CTNNA3: variants seen among roughly 807,000 people sequenced by gnomAD.
CTNNA3 encodes the protein catenin alpha-3.
A neutral mutation model predicts 95.7 loss-of-function variants in CTNNA3; 76 were observed. The ratio of observed to expected loss-of-function variants is 0.79; its 90% CI spans 0.66 to 0.96. The LOEUF is 0.96. CTNNA3 is among the 40% of genes least tolerant of loss of function. The probability of loss-of-function intolerance (pLI) is 0.00; values close to 1 mark genes in which losing one functional copy is unlikely to be tolerated. For synonymous variants in CTNNA3, 431 were observed against 374.4 expected, an observed-to-expected ratio of 1.15 and a Z score of -1.74; for missense variants, 1,191 against 1,089.8, an observed-to-expected ratio of 1.09 and a Z score of -1.31.
chr10:66,083,144 T>C (rs2080832277), intron 14 of CTNNA3, among the ~76,000 whole-genome samples: 1 of 152,152 alleles, frequency 6.6e-6, no homozygotes, highest in Non-Finnish European at 1.5e-5. Context: ...CCAAAGCCAA[T>C]TTGAATGTTA....
At chr10:67,338,444 G>A (rs1842068953) in intron 5 of CTNNA3, among the ~76,000 whole-genome samples, 1 of 152,108 alleles carries the variant, frequency 6.6e-6, no homozygotes, top group Non-Finnish European at 1.5e-5. Context: ...CCAGGCCACA[G>A]TTTCAACACT....
At chr10:66,080,041 T>C (rs932379507) in intron 14 of CTNNA3, among the ~76,000 whole-genome samples, 1 of 152,094 alleles carries the variant, frequency 6.6e-6, no homozygotes, top group African/African-American at 2.4e-5. Flanking sequence ...TCGCTTGAAG[T>C]CAGTTTAGTT....
At chr10:67,036,501 T>C (rs924553333) in intron 7 of CTNNA3, among the ~76,000 whole-genome samples, 4 of 152,068 alleles carry the variant, frequency 2.6e-5, no homozygotes, top group African/African-American at 9.7e-5. Flanking sequence ...CCGTCTCTAC[T>C]AAAAATACAA....
intron 9 of CTNNA3, among the ~76,000 whole-genome samples, chr10:66,690,869 C>G (rs1847500901): frequency 6.6e-6 from 1 of 152,118 alleles, no homozygotes; most frequent in Non-Finnish European, 1.5e-5. Flanking sequence ...AATGGTATTT[C>G]TAGTTCCAGA....
chr10:67,318,992 C>T (rs780453310), intron 5 of CTNNA3, among the ~76,000 whole-genome samples: 13 of 152,178 alleles, frequency 8.5e-5, no homozygotes, highest in Non-Finnish European at 1.6e-4. Flanking sequence ...GTAAGAGTAG[C>T]TCACTATACC....
chr10:66,658,029 TATC>T (rs1302618325), intron 9 of CTNNA3, among the ~76,000 whole-genome samples: 21 of 152,188 alleles, frequency 1.4e-4, no homozygotes, highest in African/African-American at 5.1e-4. Context: ...TGTGGATACT[TATC>T]ATGGAGATGT....
intron 10 of CTNNA3, among the ~76,000 whole-genome samples, chr10:66,586,412 C>A (rs956067694): frequency 1.3e-5 from 2 of 152,226 alleles, no homozygotes; most frequent in African/African-American, 4.8e-5. Flanking sequence ...CACCCCAGCT[C>A]TCCTTCCAGG....
chr10:66,374,005 T>G (rs78347754), intron 12 of CTNNA3, among the ~76,000 whole-genome samples: 2,399 of 152,300 alleles, frequency 0.016, 53 homozygotes, highest in African/African-American at 0.055. Flanking sequence ...GTTGTTTTCC[T>G]CCTGAATTGG....
chr10:67,702,804 C>A (rs187086957), intron 1 of CTNNA3, among the ~76,000 whole-genome samples: 2 of 151,990 alleles, frequency 1.3e-5, no homozygotes. Context: ...AATAGAGACA[C>A]AAAAACCCTT....
rs545130950 is a variant in CTNNA3, at chr10:66,657,398, T to A, written c.1282-35614A>T. ...GGTATTGTTTGTTTACCTGTTTGTG[T>A]AGAATGTTAGGATGCCACAGTTAAA... On this transcript the variant is annotated intron_variant, in intron 9 of 17. Coordinates refer to ENST00000433211, the MANE Select transcript of CTNNA3 (RefSeq NM_013266.4). Among the ~76,000 whole-genome samples the A allele has an allele frequency of 4.6e-5, 7 of 152,280 alleles. No individual in the cohort carries two copies. The East Asian group carries it at 1.4e-3, about 29-fold the overall frequency.
chr10:66,190,909 C>A (rs1396066135), intron 13 of CTNNA3, among the ~76,000 whole-genome samples: 1 of 152,096 alleles, frequency 6.6e-6, no homozygotes, highest in Non-Finnish European at 1.5e-5. Context: ...GCAATGACCC[C>A]CTAGCGGATG....
At chr10:66,439,612 G>T (rs2093362233) in intron 11 of CTNNA3, among the ~76,000 whole-genome samples, 1 of 152,084 alleles carries the variant, frequency 6.6e-6, no homozygotes, top group Non-Finnish European at 1.5e-5. Context: ...TAGCATGTAT[G>T]TTACACATTA....
At chr10:66,595,273 T>G (rs1843674749) in intron 10 of CTNNA3, among the ~76,000 whole-genome samples, 1 of 152,082 alleles carries the variant, frequency 6.6e-6, no homozygotes, top group Admixed American at 6.6e-5. Flanking sequence ...GCATTTAGTT[T>G]GAATGTAGAC....
intron 6 of CTNNA3, among the ~76,000 whole-genome samples, chr10:67,214,317 T>C (rs1191859364): frequency 1.3e-5 from 2 of 151,762 alleles, no homozygotes; most frequent in Non-Finnish European, 3.0e-5. Context: ...TAGTAGTTAC[T>C]ATAGACATTT....
At chr10:67,288,830 A>G (rs954652207) in intron 5 of CTNNA3, among the ~76,000 whole-genome samples, 3 of 152,140 alleles carry the variant, frequency 2.0e-5, no homozygotes, top group African/African-American at 7.2e-5. Context: ...ATGATAGGTA[A>G]GTTTAGTAGT....
chr10:67,385,008 G>C (rs544902681), intron 5 of CTNNA3, among the ~76,000 whole-genome samples: 25 of 152,078 alleles, frequency 1.6e-4, no homozygotes, highest in African/African-American at 5.8e-4. Flanking sequence ...AAGTGGTAAA[G>C]ATTTGAATTT....
At chr10:66,425,379 A>G (rs557009131) in intron 11 of CTNNA3, among the ~76,000 whole-genome samples, 1 of 151,532 alleles carries the variant, frequency 6.6e-6, no homozygotes. Context: ...TCTGTTTAGA[A>G]TTCCTTCTTT....
chr10:66,132,439 A>C (rs2083155449), intron 13 of CTNNA3, among the ~76,000 whole-genome samples: 1 of 152,190 alleles, frequency 6.6e-6, no homozygotes, highest in African/African-American at 2.4e-5. Context: ...AGGAAAGCTT[A>C]TACACTGTTG....
At chr10:66,487,504 G>A (rs1265079683) in intron 11 of CTNNA3, among the ~76,000 whole-genome samples, 4 of 151,808 alleles carry the variant, frequency 2.6e-5, no homozygotes, top group Non-Finnish European at 5.9e-5. Context: ...GAGATTACAG[G>A]CGCGGAGCCA....
Sources: allele counts gnomAD v4.1 joint callset (sites outside exome capture counted in the v4.1 genomes callset), GRCh38; gene constraint gnomAD v4.1.1; transcripts MANE v1.5; gene names NCBI Gene and HGNC (gene_info 2026-07-23, HGNC 2026-07-21).